The following BPNT2 variants were observed in gnomAD, a reference collection of about 807,000 sequenced individuals.
The protein encoded by BPNT2 is 3'(2'), 5'-bisphosphate nucleotidase 2, also known as Golgi-resident adenosine 3',5'-bisphosphate 3'-phosphatase.
A neutral mutation model predicts 29.3 loss-of-function variants in BPNT2; 11 were observed. The ratio of observed to expected loss-of-function variants is 0.38; its 90% CI spans 0.24 to 0.62. The LOEUF (loss-of-function observed/expected upper bound fraction) is 0.62, where lower values mean the gene tolerates loss of function less well. Among genes scored for constraint, BPNT2 ranks in the 20% least tolerant of loss-of-function variants. The probability of loss-of-function intolerance (pLI) is 0.62; values close to 1 mark genes in which losing one functional copy is unlikely to be tolerated. For missense variants in BPNT2, 459 were observed against 473.4 expected, an observed-to-expected ratio of 0.97 and a Z score of 0.28; for synonymous variants, 195 against 187.7, an observed-to-expected ratio of 1.04 and a Z score of -0.32.
At chr8:56,983,210 C>A (rs1260225949) in intron 1 of BPNT2, among the ~76,000 whole-genome samples, 1 of 151,786 alleles carries the variant, frequency 6.6e-6, no homozygotes, top group Non-Finnish European at 1.5e-5. Context: ...TTGAAATAGA[C>A]AAATTGTAAG....
chr8:56,967,135 G>T (rs1443942974), intron 3 of BPNT2: 2 of 456,182 alleles, frequency 4.4e-6, no homozygotes, highest in East Asian at 1.4e-4. Flanking sequence ...TTAGATTGTT[G>T]TTTTAGCAGT....
chr8:56,976,734 T>C (rs148808102), intron 3 of BPNT2, among the ~76,000 whole-genome samples: 8 of 152,284 alleles, frequency 5.3e-5, no homozygotes, highest in Non-Finnish European at 1.0e-4. Flanking sequence ...TGTCTTTCCA[T>C]TTCTCCCCAC....
In BPNT2 at chr8:56,960,639, A is replaced by G. The variant is rs1391575288; in HGVS notation, c.*3154T>C. On this transcript the variant is annotated 3_prime_UTR_variant, in exon 5 of 5. Transcript: ENST00000262644. ...CATCTTGTAGGTCCTTGTAAATTCA[A>G]CTGAACTGGGGATACAAGTAGGAAA... 6.6e-6 allele frequency: 1 copy of G among 152,222 alleles called. No homozygotes were observed. The highest frequency in any genetic ancestry group is 1.5e-5 in the Non-Finnish European group (1 of 68,032). 9.4% of individuals were successfully genotyped at this position (152,222 alleles called of 1,614,324 possible).
intron 1 of BPNT2, among the ~76,000 whole-genome samples, chr8:56,982,648 A>G (rs1806263983): frequency 1.3e-5 from 2 of 152,182 alleles, no homozygotes; most frequent in African/African-American, 4.8e-5. Flanking sequence ...AGTATGCTGG[A>G]TAGTGATAAG....
At position 56,959,859 on chromosome 8, in the gene BPNT2, A is replaced by G. The variant is rs189449097; in HGVS notation, c.*3934T>C. On this transcript the variant is annotated 3_prime_UTR_variant, in exon 5 of 5. Coordinates refer to ENST00000262644, the MANE Select transcript of BPNT2 (RefSeq NM_017813.5). ...TGGCAAAAAGTTCCTATTTTCCCCC[A>G]TCTACTAAAAAGGTTGTTTTCCCTT... The G allele has an allele frequency of 6.6e-6, 1 of 152,324 alleles. No individual in the cohort carries two copies. The highest frequency in any genetic ancestry group is 6.5e-5 in the Admixed American group (1 of 15,304). The allele number at this position is 152,324 out of a possible 1,614,324, so 9.4% of individuals were successfully genotyped here. A position where few individuals can be genotyped will look rare whatever the true frequency, so the allele number is the denominator to read the frequency against.
intron 3 of BPNT2, among the ~76,000 whole-genome samples, chr8:56,974,690 T>C (rs769603279): frequency 1.2e-4 from 18 of 152,224 alleles, no homozygotes; most frequent in African/African-American, 3.4e-4. Context: ...TTCCAGTACA[T>C]TGGGCAAGTT....
intron 1 of BPNT2, among the ~76,000 whole-genome samples, chr8:56,991,322 C>T (rs980413628): frequency 6.6e-6 from 1 of 151,990 alleles, no homozygotes; most frequent in Admixed American, 6.6e-5. Flanking sequence ...TATATTAAGC[C>T]AGAGACTTCA....
chr8:56,965,474 C>G (rs1805928824), intron 4 of BPNT2, among the ~76,000 whole-genome samples: 1 of 152,178 alleles, frequency 6.6e-6, no homozygotes, highest in Admixed American at 6.5e-5. Flanking sequence ...GTACTCATAA[C>G]AGGAGTTGAC....
chr8:56,969,642 C>T (rs1214222005), intron 3 of BPNT2, among the ~76,000 whole-genome samples: 1 of 152,052 alleles, frequency 6.6e-6, no homozygotes, highest in Non-Finnish European at 1.5e-5. Flanking sequence ...ATGCTAATTT[C>T]ACTGACGCTT....
At chr8:56,988,822 A>C (rs1295060845) in intron 1 of BPNT2, among the ~76,000 whole-genome samples, 3 of 152,180 alleles carry the variant, frequency 2.0e-5, no homozygotes, top group Admixed American at 2.0e-4. Context: ...CCTCCAACTT[A>C]ACCACCACTC....
chr8:56,966,235 T>G lies in BPNT2; in HGVS notation c.764A>C (p.Gln255Pro). The G allele has an allele frequency of 6.2e-7, 1 of 1,614,204 alleles. No individual in the cohort carries two copies. The highest frequency in any genetic ancestry group is 8.5e-7 in the Non-Finnish European group (1 of 1,180,038). ...HSGMVKQVAL[Q>P]TFGNQTTIIP... ...AATTGTAGTCTGGTTTCCAAAAGTC[T>G]GAAGAGCGACCTGTTTGACCATCCC... Residue 255 changes from glutamine to proline, a missense_variant, in exon 4 of 5, where the codon CAG (glutamine) becomes CCG (proline). Gln to Pro is a moderately conservative substitution (Grantham distance 76). Coordinates refer to ENST00000262644, the MANE Select transcript of BPNT2 (RefSeq NM_017813.5).
chr8:56,981,592 A>T (rs1017141688), intron 1 of BPNT2, among the ~76,000 whole-genome samples: 1 of 152,070 alleles, frequency 6.6e-6, no homozygotes, highest in African/African-American at 2.4e-5. Flanking sequence ...ATAATAATAA[A>T]AAAATGTTTT....
intron 1 of BPNT2, among the ~76,000 whole-genome samples, chr8:56,992,230 T>A (rs944269769): frequency 2.0e-5 from 3 of 152,326 alleles, no homozygotes; most frequent in Admixed American, 1.3e-4. Flanking sequence ...GGTTTGCACA[T>A]CACTGTTTAT....
chr8:56,992,054 G>A (rs1187448515), intron 1 of BPNT2, among the ~76,000 whole-genome samples: 1 of 152,028 alleles, frequency 6.6e-6, no homozygotes, highest in African/African-American at 2.4e-5. Context: ...AAAAGAAAAA[G>A]ACGAAAGAAA....
rs1805833356 is a variant in BPNT2 at position 56,961,520 on chromosome 8, C to T, written c.*2273G>A. On this transcript the variant is annotated 3_prime_UTR_variant, in exon 5 of 5. Coordinates refer to ENST00000262644, the MANE Select transcript of BPNT2 (RefSeq NM_017813.5). Reference sequence around the variant, plus strand: ...CAACCAATACCTTAAGTTTTGCACACAACACACACCCTTCACAAAGTCATT... The same window carrying T: ...CAACCAATACCTTAAGTTTTGCACATAACACACACCCTTCACAAAGTCATT... 6.6e-6 allele frequency: 1 copy of T among 152,030 alleles called. No individual in the cohort carries two copies. The highest frequency in any genetic ancestry group is 1.5e-5 in the Non-Finnish European group (1 of 68,012). 9.4% of individuals were successfully genotyped at this position (152,030 alleles called of 1,614,324 possible).
intron 1 of BPNT2, among the ~76,000 whole-genome samples, chr8:56,985,472 G>A (rs139750789): frequency 4.6e-5 from 7 of 151,984 alleles, no homozygotes; most frequent in South Asian, 4.2e-4. Flanking sequence ...GCCCCCTCCC[G>A]ACACCCAGCC....
Position 56,978,143 on chromosome 8 carries a change from C to T in BPNT2, c.553G>A (p.Asp185Asn). 1.3e-6 allele frequency: 2 copies of T among 1,597,302 alleles called. No homozygotes were observed. Among genetic ancestry groups the T allele is most frequent in the Non-Finnish European group, 1.7e-6 (2 of 1,165,778 alleles). Residue 185 changes from aspartate (D) to asparagine (N), a missense_variant and splice_region_variant, in exon 3 of 5, where the codon GAT becomes AAT. Transcript: ENST00000262644. ...PLDATQEYTE[D>N]LRKYVTTMVC... ...ATAGTAGTGACGTACTTTCGAAGAT[C>T]CTCTATGAGAAAAAAAACAAAACAA...
intron 4 of BPNT2, among the ~76,000 whole-genome samples, chr8:56,965,931 G>T (rs1008099167): frequency 3.3e-4 from 50 of 152,184 alleles, no homozygotes; most frequent in African/African-American, 1.2e-3. Context: ...AAAGCAATTA[G>T]TGGTAGATCT....
intron 1 of BPNT2, among the ~76,000 whole-genome samples, chr8:56,991,859 A>T (rs1806421642): frequency 6.6e-6 from 1 of 152,204 alleles, no homozygotes; most frequent in Admixed American, 6.5e-5. Flanking sequence ...TTTCATAAAC[A>T]CACCTTACAT....
Sources: gnomAD v4.1 joint callset for allele counts (sites outside exome capture counted in the v4.1 genomes callset) on GRCh38, gnomAD v4.1.1 for gene constraint, MANE v1.5 for transcripts, NCBI Gene and HGNC (gene_info 2026-07-23, HGNC 2026-07-21) for gene names.